Variants in POU6F1 observed in about 807,000 individuals in gnomAD.
POU6F1 encodes POU domain, class 6, transcription factor 1.
In POU6F1, 9 loss-of-function variants were observed where a neutral mutation model predicts 28.9. That is an observed-to-expected ratio of 0.31 (90% confidence interval 0.19 to 0.54). The LOEUF (loss-of-function observed/expected upper bound fraction) is 0.54. Ranked by LOEUF, POU6F1 falls within the 20% of genes least tolerant of loss-of-function variation. The probability of loss-of-function intolerance (pLI) is 0.94; values close to 1 mark genes in which losing one functional copy is unlikely to be tolerated. For missense variants in POU6F1, 338 were observed against 426.1 expected (o/e 0.79, Z 1.82); for synonymous variants, 173 against 171.1 (o/e 1.01, Z -0.09).
chr12:51,205,882 G>A (rs1324914209), intron 2 of POU6F1, among the ~76,000 whole-genome samples: 1 of 147,650 alleles, frequency 6.8e-6, no homozygotes, highest in Non-Finnish European at 1.5e-5. Flanking sequence ...TCAGTGGCGC[G>A]ATCTCGGCTC....
At position 51,190,355 on chromosome 12, in the gene POU6F1, T is replaced by G; in HGVS notation, c.1728A>C (p.Glu576Asp). 6.2e-7 allele frequency: 1 copy of G among 1,614,110 alleles called. No homozygotes were observed. The highest frequency in any genetic ancestry group is 8.5e-7 in the Non-Finnish European group (1 of 1,180,016). ...GGTCGTAGTTGAGCTCCTTAGCAAT[T>G]TCAGTGATCTCCTGGCCTGTGGGCA... The part of the protein sequence containing the change: ...NPLPTGQEIT[E>D]IAKELNYDRE... The change falls in exon 11 of 11, where the codon GAA becomes GAC. Residue 576 changes from glutamate (E) to aspartate (D), a missense_variant. Glu to Asp is a conservative substitution (Grantham distance 45). Around this residue, in one of 3 missense-constraint regions of POU6F1, gnomAD observed 126 missense variants for 176.5 expected, o/e 0.71. Transcript: ENST00000333640. The surrounding 1 kb of genome is among the most constrained non-coding windows in gnomAD (Gnocchi z 4.5).
At chr12:51,215,523 T>G (rs1257450870) in intron 1 of POU6F1, among the ~76,000 whole-genome samples, 1 of 122,918 alleles carries the variant, frequency 8.1e-6, no homozygotes, top group African/African-American at 3.2e-5. Flanking sequence ...GCCACTGCAC[T>G]CCAGACTGAG....
chr12:51,207,908 G>T (rs1449429403), intron 1 of POU6F1, among the ~76,000 whole-genome samples: 1 of 152,188 alleles, frequency 6.6e-6, no homozygotes, highest in African/African-American at 2.4e-5. Flanking sequence ...GCCCTGTGCA[G>T]TGAGGAGTGG....
At position 51,189,493 on chromosome 12, in the gene POU6F1, C is replaced by T. The variant is rs1942254420; in HGVS notation, c.*754G>A. 6.6e-6 allele frequency: 1 copy of T among 152,202 alleles called. No homozygotes were observed. The highest frequency in any genetic ancestry group is 2.4e-5 in the African/African-American group (1 of 41,438). 9.4% of individuals were successfully genotyped at this position (152,202 alleles called of 1,614,324 possible). ...CTAAATTCCCAACCTTCTGCAGACC[C>T]AGGAGAACTCCAGAACAGGTAGAGT... On this transcript the variant is annotated 3_prime_UTR_variant, in exon 11 of 11. Transcript: ENST00000333640.
At chr12:51,206,944 C>A in intron 1 of POU6F1, 61 bp from the exon 2 acceptor site, 1 of 396,716 alleles carries the variant, frequency 2.5e-6, no homozygotes, top group Non-Finnish European at 4.4e-6. Flanking sequence ...AATTTCTATA[C>A]CATCTAGAAA....
chr12:51,216,848 A>C (rs1208936634), intron 1 of POU6F1, among the ~76,000 whole-genome samples: 1 of 152,120 alleles, frequency 6.6e-6, no homozygotes, highest in Non-Finnish European at 1.5e-5. Context: ...CCAGCCGCAG[A>C]GGCTATTCTG....
chr12:51,213,762 G>A (rs1008010134), intron 1 of POU6F1, among the ~76,000 whole-genome samples: 2 of 150,946 alleles, frequency 1.3e-5, no homozygotes, highest in Admixed American at 6.6e-5. Context: ...TCGAACTCCT[G>A]ACTTTGTGAT....
At position 51,189,254 on chromosome 12, in the gene POU6F1, T is replaced by A. The variant is rs1256280862; in HGVS notation, c.*993A>T. On this transcript the variant is annotated 3_prime_UTR_variant, in exon 11 of 11. Coordinates refer to ENST00000333640, the MANE Select transcript of POU6F1 (RefSeq NM_001330422.2). The stretch of plus-strand genomic sequence containing the variant: ...CTTGCTGTCTGGTTTATTGTTTAAT[T>A]TGCTCCTTTTGAGAAGGCCCCAGTA... The A allele has an allele frequency of 2.6e-5, 4 of 152,148 alleles. No homozygotes were observed. Among genetic ancestry groups the A allele is most frequent in the Non-Finnish European group, 5.9e-5 (4 of 68,030 alleles). The allele number at this position is 152,148 out of a possible 1,614,324, so 9.4% of individuals were successfully genotyped here.
At position 51,204,181 on chromosome 12, in the gene POU6F1, T is replaced by G. The variant is rs1943409420; in HGVS notation, c.236A>C (p.Glu79Ala). 2 of 398,916 alleles carry G rather than the reference T, an allele frequency of 5.0e-6. No individual in the cohort carries two copies. Among genetic ancestry groups the G allele is most frequent in the African/African-American group, 4.1e-5 (2 of 48,574 alleles). 24.7% of individuals were successfully genotyped at this position (398,916 alleles called of 1,614,324 possible). ...GGGTGATGGCCTCGTACCAGTTGCC[T>G]CTGCAGAGGAGCCCAGGTTGTCTGG... ...AGPDNLGSSA[E>A]ATVKSPPGIP... The change falls in exon 3 of 11, where the codon GAG (glutamate) becomes GCG (alanine). Residue 79 changes from glutamate (E) to alanine (A), a missense_variant. Glu to Ala is a moderately radical substitution (Grantham distance 107). Coordinates refer to ENST00000333640, the MANE Select transcript of POU6F1 (RefSeq NM_001330422.2).
Position 51,198,577 on chromosome 12 carries a change from A to G in POU6F1, c.565T>C (p.Phe189Leu). The change falls in exon 5 of 11, where the codon TTC (phenylalanine) becomes CTC (leucine). Residue 189 changes from phenylalanine (F) to leucine (L), a missense_variant. Physicochemically the swap from Phe to Leu is conservative, Grantham distance 22. Coordinates refer to ENST00000333640, the MANE Select transcript of POU6F1 (RefSeq NM_001330422.2). ...LTAASPTGGV[F>L]KPPLAGLQAA... The stretch of plus-strand genomic sequence containing the variant: ...TGGAGACCGGCTAAAGGTGGCTTGA[A>G]CACTCCCCCCGTAGGAGAAGCAGCG... 1 of 399,212 alleles carries G rather than the reference A, an allele frequency of 2.5e-6. No homozygotes were observed. The highest frequency in any genetic ancestry group is 4.4e-6 in the Non-Finnish European group (1 of 226,326). The allele number at this position is 399,212 out of a possible 1,614,324, so 24.7% of individuals were successfully genotyped here. A position where few individuals can be genotyped will look rare whatever the true frequency, so the allele number is the denominator to read the frequency against.
intron 1 of POU6F1, among the ~76,000 whole-genome samples, chr12:51,214,058 G>A (rs535757551): frequency 4.4e-4 from 67 of 151,924 alleles, no homozygotes; most frequent in Admixed American, 4.6e-4. Context: ...CAGGAGAATC[G>A]CTTGAACCGG....
At position 51,190,646 on chromosome 12, in the gene POU6F1, G is replaced by T; in HGVS notation, c.1491-54C>A. ...CAGTGAGAGCATGTTGGTCTCTTTG[G>T]CACACCCCGCACCTAGGTGCAGGCT... On this transcript the variant is annotated intron_variant, in intron 10 of 10. Transcript: ENST00000333640. This position sits in a 1 kb window ranked among gnomAD's most constrained non-coding sequence, Gnocchi z 4.5. 1 of 1,577,374 alleles carries T rather than the reference G, an allele frequency of 6.3e-7. No individual in the cohort carries two copies. The highest frequency in any genetic ancestry group is 8.6e-7 in the Non-Finnish European group (1 of 1,163,224).
chr12:51,211,508 T>C (rs1274986134), intron 1 of POU6F1, among the ~76,000 whole-genome samples: 1 of 152,120 alleles, frequency 6.6e-6, no homozygotes, highest in Non-Finnish European at 1.5e-5. Flanking sequence ...TTTGGGAGGC[T>C]GAAGGGGGAG....
Position 51,190,626 on chromosome 12 carries a change from A to G in POU6F1, c.1491-34T>C. 1 of 1,601,768 alleles carries G rather than the reference A, an allele frequency of 6.2e-7. No individual in the cohort carries two copies. The highest frequency in any genetic ancestry group is 1.1e-5 in the South Asian group (1 of 89,582). ...AACCCATACCCAGGAAGAGGCAGTGAGAGCATGTTGGTCTCTTTGGCACAC... is the reference window on the plus strand; with the variant it reads ...AACCCATACCCAGGAAGAGGCAGTGGGAGCATGTTGGTCTCTTTGGCACAC... On this transcript the variant is annotated intron_variant, in intron 10 of 10. Coordinates refer to ENST00000333640, the MANE Select transcript of POU6F1 (RefSeq NM_001330422.2). This position sits in a 1 kb window ranked among gnomAD's most constrained non-coding sequence, Gnocchi z 4.5.
At position 51,204,147 on chromosome 12, in the gene POU6F1, AC is replaced by A. The variant is rs1262160681; in HGVS notation, c.244+25del. The A allele has an allele frequency of 3.3e-5, 13 of 398,900 alleles. No individual in the cohort carries two copies. In the East Asian group the frequency reaches 4.6e-4, roughly 14 times the overall value. The allele number at this position is 398,900 out of a possible 1,614,324, so 24.7% of individuals were successfully genotyped here. On this transcript the variant is annotated intron_variant, in intron 3 of 10. Transcript: ENST00000333640. ...GGACTTGGCACTCAGGTGGAGCAGT[AC>A]CAGGTGGGGGTGATGGCCTCGTACC...
At chr12:51,212,994 C>T (rs1157190457) in intron 1 of POU6F1, among the ~76,000 whole-genome samples, 7 of 151,482 alleles carry the variant, frequency 4.6e-5, no homozygotes, top group East Asian at 1.9e-4. Context: ...TGGAGTGCAG[C>T]GGCGGGATCT....
rs1276688993 is a variant in POU6F1 at position 51,196,887 on chromosome 12, C to G, written c.887G>C (p.Gly296Ala). The G allele has an allele frequency of 6.2e-7, 1 of 1,612,558 alleles. No individual in the cohort carries two copies. Among genetic ancestry groups the G allele is most frequent in the Non-Finnish European group, 8.5e-7 (1 of 1,178,830 alleles). ...ASLGGQTQILGSLTTAPVITS... is the reference protein window; with the variant it reads ...ASLGGQTQILASLTTAPVITS... ...AATGACTGGAGCTGTAGTGAGGGAC[C>G]CCAGGATCTGGGTCTGTCCCCCGAG... Residue 296 changes from glycine (G) to alanine (A), a missense_variant, in exon 7 of 11, where the codon GGG becomes GCG. Transcript: ENST00000333640.
At chr12:51,194,034 T>C (rs1406092525) in intron 8 of POU6F1, among the ~76,000 whole-genome samples, 1 of 148,586 alleles carries the variant, frequency 6.7e-6, no homozygotes, top group Non-Finnish European at 1.5e-5. Context: ...ATAACGGGGA[T>C]TTTTTTTTTT....
intron 1 of POU6F1, among the ~76,000 whole-genome samples, chr12:51,211,340 C>A (rs1195725259): frequency 6.6e-6 from 1 of 152,202 alleles, no homozygotes; most frequent in South Asian, 2.1e-4. Flanking sequence ...CCTTTGCCTT[C>A]TTTCTCCAGT....
Sources: gnomAD v4.1 joint callset for allele counts (sites outside exome capture counted in the v4.1 genomes callset) on GRCh38, gnomAD v4.1.1 for gene constraint, gnomAD v4.1.1 regional missense constraint, Gnocchi (gnomAD v3.1) non-coding constraint, MANE v1.5 for transcripts, NCBI Gene and HGNC (gene_info 2026-07-23, HGNC 2026-07-21) for gene names.